Variants in NLRP2B observed in about 807,000 individuals in gnomAD.
NLRP2B encodes NLR family pyrin domain containing 2B, also known as NLR family pyrin domain-containing protein 2B.
For missense variants in NLRP2B, 25 were observed against 6.8 expected (o/e 3.70, Z -3.00); for synonymous variants, 16 against 3.5 (o/e 4.63, Z -4.03).
Position 57,679,991 on chromosome X carries a change from A to T in NLRP2B, c.*132T>A. 3.1e-6 allele frequency: 1 copy of T among 326,862 alleles called. No individual in the cohort carries two copies. The highest frequency in any genetic ancestry group is 5.4e-6 in the Non-Finnish European group (1 of 186,524). The allele number at this position is 326,862 out of a possible 1,213,427, so 26.9% of individuals were successfully genotyped here. A position where few individuals can be genotyped will look rare whatever the true frequency, so the allele number is the denominator to read the frequency against. ...ATTTCAAAGTGTCTTCTCTGAGTTC[A>T]TCCTTTACTTTCTCAGACAGATCCG... is the stretch of plus-strand genomic sequence containing the variant. On this transcript the variant is annotated 3_prime_UTR_variant, in exon 1 of 1. Transcript: ENST00000434992.
At position 57,677,535 on chromosome X, in the gene NLRP2B, G is replaced by C; in HGVS notation, c.*2588C>G. 6.3e-6 allele frequency: 2 copies of C among 319,740 alleles called. No homozygotes were observed. The highest frequency in any genetic ancestry group is 1.2e-5 in the Non-Finnish European group (2 of 167,690). The allele number at this position is 319,740 out of a possible 1,213,427, so 26.4% of individuals were successfully genotyped here. A position where few individuals can be genotyped will look rare whatever the true frequency, so the allele number is the denominator to read the frequency against. The stretch of plus-strand genomic sequence containing the variant: ...GATAACAGCAGCCATTGCTAGTTAT[G>C]TCGCAGTCCCACAGCACCAGGGTCT... On this transcript the variant is annotated 3_prime_UTR_variant, in exon 1 of 1. Coordinates refer to ENST00000434992, the MANE Select transcript of NLRP2B (RefSeq NM_001319967.1).
In NLRP2B at chrX:57,678,867, G is replaced by C; in HGVS notation, c.*1256C>G. The stretch of plus-strand genomic sequence containing the variant: ...ACTCCTGCACCCCGAGCCTCGCCAA[G>C]TCCTCTCCACGGAACACTGACATCT... On this transcript the variant is annotated 3_prime_UTR_variant, in exon 1 of 1. Transcript: ENST00000434992. 2.7e-6 allele frequency: 1 copy of C among 373,204 alleles called. No individual in the cohort carries two copies. The allele number at this position is 373,204 out of a possible 1,213,427, so 30.8% of individuals were successfully genotyped here. A position where few individuals can be genotyped will look rare whatever the true frequency, so the allele number is the denominator to read the frequency against.
Position 57,678,775 on chromosome X carries a change from G to A in NLRP2B, c.*1348C>T. 2.5e-6 allele frequency: 1 copy of A among 395,837 alleles called. No homozygotes were observed. Among genetic ancestry groups the A allele is most frequent in the Non-Finnish European group, 4.7e-6 (1 of 211,769 alleles). 32.6% of individuals were successfully genotyped at this position (395,837 alleles called of 1,213,427 possible). ...CTGCTGGAAGCTGAGGTGGATGTAG[G>A]AATAGCAGCCTTTAGAGACTATGTC... is the stretch of plus-strand genomic sequence containing the variant. On this transcript the variant is annotated 3_prime_UTR_variant, in exon 1 of 1. Transcript: ENST00000434992.
Position 57,679,674 on chromosome X carries a change from G to T in NLRP2B, c.*449C>A. ...GGCAGGGCCCGGGAAGCACCCTGGG[G>T]TTGCTGAACGGGATCAGCATCTTGT... On this transcript the variant is annotated 3_prime_UTR_variant, in exon 1 of 1. Coordinates refer to ENST00000434992, the MANE Select transcript of NLRP2B (RefSeq NM_001319967.1). The T allele has an allele frequency of 2.2e-6, 1 of 451,909 alleles. No individual in the cohort carries two copies. Among genetic ancestry groups the T allele is most frequent in the Non-Finnish European group, 4.0e-6 (1 of 251,384 alleles). The allele number at this position is 451,909 out of a possible 1,213,427, so 37.2% of individuals were successfully genotyped here.
chrX:57,678,682 T>C lies in NLRP2B; in HGVS notation c.*1441A>G. ...CTGCACGTCTCCATTGTCCCAGGCG[T>C]GGCCGTCCTTGTCCTCCTCCTCCTC... On this transcript the variant is annotated 3_prime_UTR_variant, in exon 1 of 1. Transcript: ENST00000434992. 1 of 412,555 alleles carries C rather than the reference T, an allele frequency of 2.4e-6. No individual in the cohort carries two copies. Among genetic ancestry groups the C allele is most frequent in the South Asian group, 3.1e-5 (1 of 31,964 alleles). 34.0% of individuals were successfully genotyped at this position (412,555 alleles called of 1,213,427 possible).
At position 57,679,052 on chromosome X, in the gene NLRP2B, C is replaced by T; in HGVS notation, c.*1071G>A. On this transcript the variant is annotated 3_prime_UTR_variant, in exon 1 of 1. Coordinates refer to ENST00000434992, the MANE Select transcript of NLRP2B (RefSeq NM_001319967.1). ...ACCTCTGCAGCTTCAGACTCATGCA[C>T]ATGATCCAGCACACCATGGGTGCCG... is the stretch of plus-strand genomic sequence containing the variant. The T allele has an allele frequency of 4.8e-6, 2 of 415,417 alleles. No homozygotes were observed. The highest frequency in any genetic ancestry group is 8.9e-6 in the Non-Finnish European group (2 of 225,735). The allele number at this position is 415,417 out of a possible 1,213,427, so 34.2% of individuals were successfully genotyped here. A position where few individuals can be genotyped will look rare whatever the true frequency, so the allele number is the denominator to read the frequency against.
In NLRP2B at chrX:57,679,353, G is replaced by A; in HGVS notation, c.*770C>T. 1.6e-6 allele frequency: 1 copy of A among 624,374 alleles called. No homozygotes were observed. The highest frequency in any genetic ancestry group is 2.3e-5 in the Admixed American group (1 of 42,803). 51.5% of individuals were successfully genotyped at this position (624,374 alleles called of 1,213,427 possible). On this transcript the variant is annotated 3_prime_UTR_variant, in exon 1 of 1. Transcript: ENST00000434992. Reference sequence around the variant, plus strand: ...GCTTCTGCTTCTCCCAGTCCCCACAGATGTCCTAGATCAGTGCCCCAGGTG... The same window carrying A: ...GCTTCTGCTTCTCCCAGTCCCCACAAATGTCCTAGATCAGTGCCCCAGGTG...
At position 57,677,805 on chromosome X, in the gene NLRP2B, A is replaced by G; in HGVS notation, c.*2318T>C. On this transcript the variant is annotated 3_prime_UTR_variant, in exon 1 of 1. Transcript: ENST00000434992. Reference sequence around the variant, plus strand: ...CACCCTCATCCAAGAGCTCATTGTGAGAGAGGTTTACACATGTCAGGGACT... The same window carrying G: ...CACCCTCATCCAAGAGCTCATTGTGGGAGAGGTTTACACATGTCAGGGACT... 2 of 447,434 alleles carry G rather than the reference A, an allele frequency of 4.5e-6. No individual in the cohort carries two copies. The highest frequency in any genetic ancestry group is 8.5e-6 in the Non-Finnish European group (2 of 234,658). The allele number at this position is 447,434 out of a possible 1,213,427, so 36.9% of individuals were successfully genotyped here.
rs754666395 is a variant in NLRP2B at position 57,678,825 on chromosome X, G to A, written c.*1298C>T. The A allele has an allele frequency of 2.7e-6, 1 of 369,112 alleles. No individual in the cohort carries two copies. The highest frequency in any genetic ancestry group is 5.0e-6 in the Non-Finnish European group (1 of 200,486). 30.4% of individuals were successfully genotyped at this position (369,112 alleles called of 1,213,427 possible). A position where few individuals can be genotyped will look rare whatever the true frequency, so the allele number is the denominator to read the frequency against. On this transcript the variant is annotated 3_prime_UTR_variant, in exon 1 of 1. Transcript: ENST00000434992. ...CCTGGCGGAGGATGTCTCTGTCCAG[G>A]GACGGGCGGATGTTGAACTCCTGCA...
rs1331332127 is a variant in NLRP2B, at chrX:57,677,109, G to T, written c.*3014C>A. The T allele has an allele frequency of 1.1e-5, 3 of 279,075 alleles. No individual in the cohort carries two copies. The highest frequency in any genetic ancestry group is 2.8e-5 in the African/African-American group (1 of 35,104). The allele number at this position is 279,075 out of a possible 1,213,427, so 23.0% of individuals were successfully genotyped here. A position where few individuals can be genotyped will look rare whatever the true frequency, so the allele number is the denominator to read the frequency against. On this transcript the variant is annotated 3_prime_UTR_variant, in exon 1 of 1. Coordinates refer to ENST00000434992, the MANE Select transcript of NLRP2B (RefSeq NM_001319967.1). ...AAGAAAGCCTTTTTTCCCCCCCAAA[G>T]GATCATGTTTCTCAGTTATCAGCAG...
Position 57,678,877 on chromosome X carries a change from C to G in NLRP2B, c.*1246G>C. ...CCCGAGCCTCGCCAAGTCCTCTCCA[C>G]GGAACACTGACATCTGCGCCCACAG... On this transcript the variant is annotated 3_prime_UTR_variant, in exon 1 of 1. Transcript: ENST00000434992. 2.6e-6 allele frequency: 1 copy of G among 377,632 alleles called. No individual in the cohort carries two copies. Among genetic ancestry groups the G allele is most frequent in the South Asian group, 3.4e-5 (1 of 29,465 alleles). The allele number at this position is 377,632 out of a possible 1,213,427, so 31.1% of individuals were successfully genotyped here.
rs907147867 is a variant in NLRP2B at position 57,679,292 on chromosome X, T to G, written c.*831A>C. 4.1e-6 allele frequency: 2 copies of G among 492,740 alleles called. No individual in the cohort carries two copies. The highest frequency in any genetic ancestry group is 7.2e-6 in the Non-Finnish European group (2 of 276,408). The allele number at this position is 492,740 out of a possible 1,213,427, so 40.6% of individuals were successfully genotyped here. ...AGCACGGCGGCCCTGGGTAAAATCTTCCTCTTCAGTAACCTCCCCAAGAAG... is the reference window on the plus strand; with the variant it reads ...AGCACGGCGGCCCTGGGTAAAATCTGCCTCTTCAGTAACCTCCCCAAGAAG... On this transcript the variant is annotated 3_prime_UTR_variant, in exon 1 of 1. Transcript: ENST00000434992.
chrX:57,680,135 G>A lies in NLRP2B; in HGVS notation c.126C>T (p.Ile42=), dbSNP rs2011759815. 3.2e-5 allele frequency: 14 copies of A among 441,306 alleles called. No homozygotes were observed. The highest frequency in any genetic ancestry group is 5.6e-5 in the Non-Finnish European group (14 of 247,883). 36.4% of individuals were successfully genotyped at this position (441,306 alleles called of 1,213,427 possible). Residue 42 remains isoleucine, a synonymous_variant, in exon 1 of 1, where the codon ATC becomes ATT. Coordinates refer to ENST00000434992, the MANE Select transcript of NLRP2B (RefSeq NM_001319967.1). ...TVSLGNELQK[I]PQT ...CAGCCTTGTCTACCTATGTCTGGGG[G>A]ATCTTTTGCAGCTCATTTCCCAGGG...
rs1038807920 is a variant in NLRP2B at position 57,680,019 on chromosome X, C to T, written c.*104G>A. 1.0e-4 allele frequency: 36 copies of T among 357,203 alleles called. No homozygotes were observed. The highest frequency in any genetic ancestry group is 4.0e-4 in the Middle Eastern group (1 of 2,497). 29.4% of individuals were successfully genotyped at this position (357,203 alleles called of 1,213,427 possible). On this transcript the variant is annotated 3_prime_UTR_variant, in exon 1 of 1. Coordinates refer to ENST00000434992, the MANE Select transcript of NLRP2B (RefSeq NM_001319967.1). The stretch of plus-strand genomic sequence containing the variant: ...CTTTACTTTCTCAGACAGATCCGCT[C>T]GGTGCATCTTTTCAAAGACCTGGAT...
In NLRP2B at chrX:57,677,945, C is replaced by G. The variant is rs1009983512; in HGVS notation, c.*2178G>C. The stretch of plus-strand genomic sequence containing the variant: ...GAGTGTCTCAAGACCTTACACAATG[C>G]AGGAAGCATATCATTCTGGTCATTG... On this transcript the variant is annotated 3_prime_UTR_variant, in exon 1 of 1. Transcript: ENST00000434992. The G allele has an allele frequency of 2.1e-6, 1 of 470,502 alleles. No homozygotes were observed. The highest frequency in any genetic ancestry group is 2.8e-5 in the Admixed American group (1 of 36,182). 38.8% of individuals were successfully genotyped at this position (470,502 alleles called of 1,213,427 possible).
chrX:57,678,256 G>A lies in NLRP2B; in HGVS notation c.*1867C>T, dbSNP rs2147379350. On this transcript the variant is annotated 3_prime_UTR_variant, in exon 1 of 1. Coordinates refer to ENST00000434992, the MANE Select transcript of NLRP2B (RefSeq NM_001319967.1). The stretch of plus-strand genomic sequence containing the variant: ...TCTCTCAACTTCAGCATCTGATTCA[G>A]ACACAGTGACATTCTCTGGGAGCTT... 3 of 538,519 alleles carry A rather than the reference G, an allele frequency of 5.6e-6. No individual in the cohort carries two copies. The East Asian group carries it at 1.0e-4, about 18-fold the overall frequency. 44.4% of individuals were successfully genotyped at this position (538,519 alleles called of 1,213,427 possible).
At position 57,678,515 on chromosome X, in the gene NLRP2B, C is replaced by G. The variant is rs1294462361; in HGVS notation, c.*1608G>C. 3.0e-5 allele frequency: 15 copies of G among 507,544 alleles called. No individual in the cohort carries two copies. The highest frequency in any genetic ancestry group is 5.5e-5 in the Non-Finnish European group (15 of 274,005). The allele number at this position is 507,544 out of a possible 1,213,427, so 41.8% of individuals were successfully genotyped here. On this transcript the variant is annotated 3_prime_UTR_variant, in exon 1 of 1. Coordinates refer to ENST00000434992, the MANE Select transcript of NLRP2B (RefSeq NM_001319967.1). ...CAATTTATCTCTCATCACAGTAATT[C>G]CTTTTTGATCTCCGGTGACATCAGG... is the stretch of plus-strand genomic sequence containing the variant.
chrX:57,678,117 T>A lies in NLRP2B; in HGVS notation c.*2006A>T. On this transcript the variant is annotated 3_prime_UTR_variant, in exon 1 of 1. Transcript: ENST00000434992. ...CTATTTGTTCACACAGGATCCTTAC[T>A]AATGTGGCACCAAGAAAGCTATTAT... 2.1e-6 allele frequency: 1 copy of A among 473,363 alleles called. No individual in the cohort carries two copies. The allele number at this position is 473,363 out of a possible 1,213,427, so 39.0% of individuals were successfully genotyped here.
rs766587522 is a variant in NLRP2B at position 57,679,436 on chromosome X, G to A, written c.*687C>T. On this transcript the variant is annotated 3_prime_UTR_variant, in exon 1 of 1. Coordinates refer to ENST00000434992, the MANE Select transcript of NLRP2B (RefSeq NM_001319967.1). ...AACAGGATTTTCTGTGCTTGGGCTAGGATGTTTGGAATGTCATCCTGCAAT... is the reference window on the plus strand; with the variant it reads ...AACAGGATTTTCTGTGCTTGGGCTAAGATGTTTGGAATGTCATCCTGCAAT... 52 of 993,776 alleles carry A rather than the reference G, an allele frequency of 5.2e-5. No homozygotes were observed. Among genetic ancestry groups the A allele is most frequent in the Non-Finnish European group, 6.7e-5 (47 of 700,968 alleles). The allele number at this position is 993,776 out of a possible 1,213,427, so 81.9% of individuals were successfully genotyped here.
Sources: gnomAD v4.1 joint callset for allele counts on GRCh38, gnomAD v4.1.1 for gene constraint, MANE v1.5 for transcripts, NCBI Gene and HGNC (gene_info 2026-07-23, HGNC 2026-07-21) for gene names.